The following KCTD5 variants were observed in gnomAD, a reference collection of about 807,000 sequenced individuals.
KCTD5 encodes potassium channel tetramerization domain containing 5, also known as BTB/POZ domain-containing protein KCTD5.
KCTD5 carries 12 observed loss-of-function variants against 27.9 expected under a neutral mutation model. That is an observed-to-expected ratio of 0.43 (90% CI 0.28 to 0.70). The LOEUF (loss-of-function observed/expected upper bound fraction) is 0.70, where lower values mean the gene tolerates loss of function less well. KCTD5 is among the 30% of genes least tolerant of loss of function. The pLI, the probability that KCTD5 is intolerant of heterozygous loss-of-function variation, is 0.19. For missense variants in KCTD5, 226 were observed against 274.8 expected (o/e 0.82, Z 1.26); for synonymous variants, 147 against 121.4 (o/e 1.21, Z -1.39).
chr16:2,688,497 C>T (rs914925696), intron 1 of KCTD5, among the ~76,000 whole-genome samples: 1 of 152,064 alleles, frequency 6.6e-6, no homozygotes, highest in African/African-American at 2.4e-5. Context: ...GTCATCCGCC[C>T]TCCTTGGCCT....
In KCTD5 at chr16:2,702,345, C is replaced by A. The variant is rs745747037; in HGVS notation, c.550-8C>A. 1.2e-6 allele frequency: 2 copies of A among 1,613,432 alleles called. No individual in the cohort carries two copies. The highest frequency in any genetic ancestry group is 1.7e-6 in the Non-Finnish European group (2 of 1,179,904). On this transcript the variant is annotated splice_polypyrimidine_tract_variant and splice_region_variant and intron_variant, in intron 4 of 5. Coordinates refer to ENST00000301738, the MANE Select transcript of KCTD5 (RefSeq NM_018992.4). ...CTGGGCTGCGTCTCAGGCTATGTCT[C>A]CTTGCAGTTGGTCAGCATCGGCTCC...
At chr16:2,684,284 C>G (rs1287551575) in intron 1 of KCTD5, 1 of 152,046 alleles carries the variant, frequency 6.6e-6, no homozygotes, top group Non-Finnish European at 1.5e-5. Flanking sequence ...GCACTTGATT[C>G]CCAGTTGATG....
chr16:2,706,451 T>G (rs2067636407), intron 5 of KCTD5, among the ~76,000 whole-genome samples: 1 of 152,140 alleles, frequency 6.6e-6, no homozygotes, highest in Admixed American at 6.5e-5. Flanking sequence ...GCTCCGAAGC[T>G]CTCTGCTCGG....
chr16:2,708,503 C>G lies in KCTD5; in HGVS notation c.*1176C>G, dbSNP rs1464758291. Reference sequence around the variant, plus strand: ...GGCTCCAAGCGCTTTGCTTCCGGAACTCCGGCTTCCCAAGGGGTACTGTGC... The same window carrying G: ...GGCTCCAAGCGCTTTGCTTCCGGAAGTCCGGCTTCCCAAGGGGTACTGTGC... On this transcript the variant is annotated 3_prime_UTR_variant, in exon 6 of 6. Coordinates refer to ENST00000301738, the MANE Select transcript of KCTD5 (RefSeq NM_018992.4). The G allele has an allele frequency of 6.6e-6, 1 of 152,332 alleles. No homozygotes were observed. Among genetic ancestry groups the G allele is most frequent in the African/African-American group, 2.4e-5 (1 of 41,480 alleles). The allele number at this position is 152,332 out of a possible 1,614,324, so 9.4% of individuals were successfully genotyped here.
chr16:2,682,600 G>T lies in KCTD5; in HGVS notation c.52G>T (p.Ala18Ser). Residue 18 changes from alanine (A) to serine (S), a missense_variant, in exon 1 of 6, where the codon GCG (alanine) becomes TCG (serine). This residue lies in a region of KCTD5 where 91 missense variants were observed against 67.8 expected (regional missense o/e 1.34). Coordinates refer to ENST00000301738, the MANE Select transcript of KCTD5 (RefSeq NM_018992.4). ...GTCGCCGGCCCGGGGCGGCATCGGG[G>T]CGGGGCTGGGGGGCGGCCTGTGCCG... Reference protein sequence around the residue: ...LLSPARGGIGAGLGGGLCRRC... With the variant: ...LLSPARGGIGSGLGGGLCRRC... The T allele has an allele frequency of 6.8e-7, 1 of 1,460,968 alleles. No individual in the cohort carries two copies. Among genetic ancestry groups the T allele is most frequent in the Non-Finnish European group, 9.0e-7 (1 of 1,112,484 alleles). The allele number at this position is 1,460,968 out of a possible 1,614,324, so 90.5% of individuals were successfully genotyped here.
chr16:2,687,653 C>T (rs1316227856), intron 1 of KCTD5, among the ~76,000 whole-genome samples: 3 of 152,218 alleles, frequency 2.0e-5, no homozygotes, highest in African/African-American at 4.8e-5. Context: ...GCGCCTGCTG[C>T]CTGGTCTCGC....
intron 4 of KCTD5, among the ~76,000 whole-genome samples, chr16:2,701,126 G>C (rs1482416003): frequency 6.6e-6 from 1 of 152,236 alleles, no homozygotes; most frequent in East Asian, 1.9e-4. Flanking sequence ...GTGACTTCTG[G>C]CTGGGAGGGA....
chr16:2,697,324 T>G (rs930953652), intron 2 of KCTD5: 2 of 153,640 alleles, frequency 1.3e-5, no homozygotes, highest in African/African-American at 2.4e-5. Context: ...AGTCCCTAAG[T>G]GCGGCACATT....
At chr16:2,686,685 C>G (rs144941122) in intron 1 of KCTD5, among the ~76,000 whole-genome samples, 46,286 of 110,676 alleles carry the variant, frequency 0.42, 10,450 homozygotes, top group African/African-American at 0.49. Context: ...CTTGAGGGTT[C>G]CAGATGTGGT....
At chr16:2,702,309 C>T (rs200900245) in intron 4 of KCTD5, 44 bp from the exon 5 acceptor site, 1,121 of 1,610,888 alleles carry the variant, frequency 7.0e-4, no homozygotes, top group Non-Finnish European at 8.3e-4. Flanking sequence ...GGCTGGGTCT[C>T]TCAGGCTTCA....
chr16:2,692,645 C>G (rs116519598), intron 1 of KCTD5, among the ~76,000 whole-genome samples: 1 of 152,262 alleles, frequency 6.6e-6, no homozygotes, highest in African/African-American at 2.4e-5. Flanking sequence ...CAAGTCCCCA[C>G]TTTGGTCCCC....
chr16:2,688,151 AG>A (rs775359992), intron 1 of KCTD5, among the ~76,000 whole-genome samples: 2 of 151,518 alleles, frequency 1.3e-5, no homozygotes, highest in African/African-American at 2.4e-5. Context: ...AGGTCAGTGC[AG>A]TCAGGAGAGG....
Position 2,696,862 on chromosome 16 carries a change from C to T in KCTD5, c.361+819C>T, listed in dbSNP as rs1238650374. Among the ~76,000 whole-genome samples the T allele has an allele frequency of 3.9e-5, 6 of 152,380 alleles. No homozygotes were observed. The East Asian group carries it at 1.2e-3, about 29-fold the overall frequency. On this transcript the variant is annotated intron_variant, in intron 2 of 5. Transcript: ENST00000301738. Reference sequence around the variant, plus strand: ...ATGATCCCCACTCCTGTCTCTTTGGCAGGGAATGTCTTTCACATGTACTCT... The same window carrying T: ...ATGATCCCCACTCCTGTCTCTTTGGTAGGGAATGTCTTTCACATGTACTCT...
chr16:2,699,131 C>T (rs1229208104), intron 3 of KCTD5: 1 of 456,130 alleles, frequency 2.2e-6, no homozygotes, highest in Non-Finnish European at 4.4e-6. Flanking sequence ...CTCTGAACCC[C>T]TTCTCACTGC....
At position 2,707,698 on chromosome 16, in the gene KCTD5, T is replaced by C; in HGVS notation, c.*371T>C. Reference sequence around the variant, plus strand: ...ACAGTCTGGAAAAGCAGCCTGGGCTTCACTGGCAGGAAGCGGCCGCAGCCG... The same window carrying C: ...ACAGTCTGGAAAAGCAGCCTGGGCTCCACTGGCAGGAAGCGGCCGCAGCCG... On this transcript the variant is annotated 3_prime_UTR_variant, in exon 6 of 6. Coordinates refer to ENST00000301738, the MANE Select transcript of KCTD5 (RefSeq NM_018992.4). 1 of 520,582 alleles carries C rather than the reference T, an allele frequency of 1.9e-6. No individual in the cohort carries two copies. The highest frequency in any genetic ancestry group is 3.4e-6 in the Non-Finnish European group (1 of 293,372). The allele number at this position is 520,582 out of a possible 1,614,324, so 32.2% of individuals were successfully genotyped here.
Position 2,708,676 on chromosome 16 carries a change from T to C in KCTD5, c.*1349T>C, listed in dbSNP as rs1337664373. On this transcript the variant is annotated 3_prime_UTR_variant, in exon 6 of 6. Transcript: ENST00000301738. Reference sequence around the variant, plus strand: ...TCTCCAGCATTAGGACTTACCTCCTTCTTTTTGTAAGGTCTCTTGTATGTT... The same window carrying C: ...TCTCCAGCATTAGGACTTACCTCCTCCTTTTTGTAAGGTCTCTTGTATGTT... The C allele has an allele frequency of 1.3e-5, 2 of 152,276 alleles. No homozygotes were observed. Among genetic ancestry groups the C allele is most frequent in the East Asian group, 3.8e-4 (2 of 5,206 alleles). 9.4% of individuals were successfully genotyped at this position (152,276 alleles called of 1,614,324 possible). A position where few individuals can be genotyped will look rare whatever the true frequency, so the allele number is the denominator to read the frequency against.
At chr16:2,687,256 C>A (rs576103924) in intron 1 of KCTD5, among the ~76,000 whole-genome samples, 2 of 152,210 alleles carry the variant, frequency 1.3e-5, no homozygotes, top group Non-Finnish European at 2.9e-5. Flanking sequence ...CTGATGGGTT[C>A]AGTCCTACCT....
intron 1 of KCTD5, among the ~76,000 whole-genome samples, chr16:2,691,643 G>A (rs1422360891): frequency 1.3e-5 from 2 of 152,160 alleles, no homozygotes; most frequent in Non-Finnish European, 2.9e-5. Flanking sequence ...CCCATAGGAA[G>A]CCCACTGTCC....
At chr16:2,699,087 A>G (rs1417375223) in intron 3 of KCTD5, 1 of 454,244 alleles carries the variant, frequency 2.2e-6, no homozygotes, top group African/African-American at 2.0e-5. Flanking sequence ...CATCCCTGGC[A>G]TGAGTCACCA....
Sources: allele counts gnomAD v4.1 joint callset (sites outside exome capture counted in the v4.1 genomes callset), GRCh38; gene constraint gnomAD v4.1.1; regional missense constraint gnomAD v4.1.1; transcripts MANE v1.5; gene names NCBI Gene and HGNC (gene_info 2026-07-23, HGNC 2026-07-21).